Variants in TENM4 observed in about 807,000 individuals in gnomAD.
TENM4 encodes the protein teneurin transmembrane protein 4, also known as teneurin-4.
TENM4 carries 82 observed loss-of-function variants against 243.3 expected under a neutral mutation model. The observed-to-expected ratio is 0.34, with a 90% CI of 0.28 to 0.40. The LOEUF is 0.40. Ranked by LOEUF, TENM4 falls within the 10% of genes least tolerant of loss-of-function variation. TENM4 has a pLI of 1.00. For missense variants in TENM4, 3,138 were observed against 3,673.3 expected, an observed-to-expected ratio of 0.85 and a Z score of 3.77; for synonymous variants, 1,412 against 1,456.3, an observed-to-expected ratio of 0.97 and a Z score of 0.69.
At chr11:79,061,480 G>T (rs1247381213) in intron 6 of TENM4, among the ~76,000 whole-genome samples, 1 of 152,180 alleles carries the variant, frequency 6.6e-6, no homozygotes, top group Non-Finnish European at 1.5e-5. Context: ...TGACAACATG[G>T]CCAGGGGAGC....
At chr11:78,780,520 G>A (rs576696466) in intron 16 of TENM4, among the ~76,000 whole-genome samples, 2 of 152,096 alleles carry the variant, frequency 1.3e-5, no homozygotes, top group South Asian at 4.2e-4. Flanking sequence ...TGGCTAGGCT[G>A]GATGAGATGC....
At chr11:79,187,392 T>TG (rs913523593) in intron 3 of TENM4, among the ~76,000 whole-genome samples, 87 of 152,326 alleles carry the variant, frequency 5.7e-4, no homozygotes, top group African/African-American at 2.1e-3. Flanking sequence ...AACCCATGCA[T>TG]GGGTCCTTAA....
intron 6 of TENM4, among the ~76,000 whole-genome samples, chr11:78,944,650 G>C (rs1856973349): frequency 6.6e-6 from 1 of 152,232 alleles, no homozygotes; most frequent in African/African-American, 2.4e-5. Flanking sequence ...CAATACTTGA[G>C]AGACAGGTCT....
chr11:78,710,781 A>C (rs1225457666), intron 26 of TENM4, among the ~76,000 whole-genome samples: 1 of 152,002 alleles, frequency 6.6e-6, no homozygotes, highest in Non-Finnish European at 1.5e-5. Context: ...CACCCTTGTC[A>C]TTTCTATGTG....
intron 9 of TENM4, among the ~76,000 whole-genome samples, 161 bp downstream of exon 9, chr11:78,889,624 G>C (rs1855617751): frequency 1.3e-5 from 2 of 152,244 alleles, no homozygotes; most frequent in African/African-American, 4.8e-5. Context: ...TGCCCTTGCA[G>C]TGTCAGGGGT....
At chr11:78,941,746 C>T (rs78295465) in intron 6 of TENM4, among the ~76,000 whole-genome samples, 2,359 of 152,344 alleles carry the variant, frequency 0.015, 42 homozygotes, top group Admixed American at 0.056. Context: ...CCTGGACTCA[C>T]TCTCACCTCA....
At chr11:78,708,218 T>C in intron 27 of TENM4, 143 bp downstream of exon 27, 3 of 1,093,982 alleles carry the variant, frequency 2.7e-6, no homozygotes, top group Non-Finnish European at 2.6e-6. Context: ...CTTTGTGTCC[T>C]TGGTGCTCAT....
intron 6 of TENM4, among the ~76,000 whole-genome samples, chr11:78,978,653 G>A (rs9630229): frequency 0.032 from 4,906 of 152,222 alleles, 226 homozygotes; most frequent in African/African-American, 0.098. Context: ...CAACTAATAA[G>A]AAGGCTGGTC....
chr11:79,215,552 G>A (rs188415222), intron 3 of TENM4, among the ~76,000 whole-genome samples: 1 of 152,032 alleles, frequency 6.6e-6, no homozygotes, highest in African/African-American at 2.4e-5. Flanking sequence ...CCCCATCCTT[G>A]CCCACCTTGC....
intron 4 of TENM4, among the ~76,000 whole-genome samples, chr11:79,122,787 C>T (rs1861769578): frequency 6.6e-6 from 1 of 152,208 alleles, no homozygotes; most frequent in Admixed American, 6.5e-5. Flanking sequence ...CTGATTCCCA[C>T]CACACCCTGT....
chr11:79,158,582 T>C (rs1181182159), intron 3 of TENM4, among the ~76,000 whole-genome samples: 2 of 152,224 alleles, frequency 1.3e-5, no homozygotes, highest in Non-Finnish European at 2.9e-5. Context: ...ATTAGTACTC[T>C]CATGAAGGAA....
intron 25 of TENM4, among the ~76,000 whole-genome samples, chr11:78,716,912 T>C (rs1859533780): frequency 6.6e-6 from 1 of 152,154 alleles, no homozygotes. Context: ...CTACAAATCA[T>C]AAATGTCTCA....
At chr11:79,311,236 G>A (rs1418242531) in intron 1 of TENM4, among the ~76,000 whole-genome samples, 1 of 152,206 alleles carries the variant, frequency 6.6e-6, no homozygotes, top group African/African-American at 2.4e-5. Context: ...AATGGATGAG[G>A]CAGAGGCTTG....
Position 79,211,256 on chromosome 11 carries a change from A to G in TENM4, c.-163+4552T>C, listed in dbSNP as rs193208890. Among the ~76,000 whole-genome samples, 3 of 152,304 alleles carry G rather than the reference A, an allele frequency of 2.0e-5. No individual in the cohort carries two copies. In the East Asian group the frequency reaches 5.8e-4, roughly 29 times the overall value. The stretch of plus-strand genomic sequence containing the variant: ...ATGTGCAAAGGCCTAAGGTCTCCCT[A>G]CAGCAGTGAGGCGTCATTCCAGGAG... On this transcript the variant is annotated intron_variant, in intron 3 of 33. Transcript: ENST00000278550.
chr11:78,756,858 G>A lies in TENM4; in HGVS notation c.2703C>T (p.Leu901=), dbSNP rs904357514. ...LHSFYDRIKF[L]VGRDSTHIIP... ...TTATGTGCGTGCTGTCCCTGCCCAC[G>A]AGGAACTTGATGCGGTCATAGAAGG... Residue 901 remains leucine, a synonymous_variant, in exon 19 of 34, where the codon CTC becomes CTT. Transcript: ENST00000278550. 8 of 1,613,934 alleles carry A rather than the reference G, an allele frequency of 5.0e-6. No individual in the cohort carries two copies. Among genetic ancestry groups the A allele is most frequent in the South Asian group, 1.1e-5 (1 of 91,058 alleles).
intron 18 of TENM4, among the ~76,000 whole-genome samples, chr11:78,767,913 T>G (rs188581672): frequency 3.9e-5 from 6 of 152,318 alleles, no homozygotes; most frequent in Admixed American, 3.3e-4. Context: ...TGTTCACTGG[T>G]CTTTATGTCT....
intron 8 of TENM4, 66 bp from the exon 9 acceptor site, chr11:78,890,086 G>A (rs1855629348): frequency 1.5e-6 from 2 of 1,314,870 alleles, no homozygotes; most frequent in East Asian, 5.1e-5. Context: ...AGACAAACCT[G>A]GAGGCCAGAG....
At chr11:79,432,507 A>G (rs1033218109) in intron 1 of TENM4, among the ~76,000 whole-genome samples, 4 of 152,228 alleles carry the variant, frequency 2.6e-5, no homozygotes, top group Non-Finnish European at 5.9e-5. Context: ...GACCTCATCA[A>G]TACAAGCCCT....
chr11:79,312,723 C>T (rs958713999), intron 1 of TENM4, among the ~76,000 whole-genome samples: 1 of 152,192 alleles, frequency 6.6e-6, no homozygotes, highest in Non-Finnish European at 1.5e-5. Context: ...GTGTTCCCAA[C>T]ACTTCTTGGT....
Sources: allele counts gnomAD v4.1 joint callset (sites outside exome capture counted in the v4.1 genomes callset), GRCh38; gene constraint gnomAD v4.1.1; transcripts MANE v1.5; gene names NCBI Gene and HGNC (gene_info 2026-07-23, HGNC 2026-07-21).